The following PDK1 variants were observed in gnomAD, a reference collection of about 807,000 sequenced individuals.
The protein encoded by PDK1 is pyruvate dehydrogenase kinase 1.
PDK1 carries 39 observed loss-of-function variants against 54.2 expected under a neutral mutation model. The ratio of observed to expected loss-of-function variants is 0.72; its 90% CI spans 0.56 to 0.94. The LOEUF is 0.94. Ranked by LOEUF, PDK1 falls within the 40% of genes least tolerant of loss-of-function variation. The probability of loss-of-function intolerance (pLI) is 0.00; values close to 1 mark genes in which losing one functional copy is unlikely to be tolerated. For synonymous variants in PDK1, 221 were observed against 207.1 expected, an observed-to-expected ratio of 1.07 and a Z score of -0.58; for missense variants, 552 against 566.0, an observed-to-expected ratio of 0.98 and a Z score of 0.25.
rs957455997 is a variant in PDK1 at position 172,602,560 on chromosome 2, T to A, written c.*6591T>A. 1 of 152,102 alleles carries A rather than the reference T, an allele frequency of 6.6e-6. No homozygotes were observed. Among genetic ancestry groups the A allele is most frequent in the African/African-American group, 2.4e-5 (1 of 41,424 alleles). The allele number at this position is 152,102 out of a possible 1,614,324, so 9.4% of individuals were successfully genotyped here. A position where few individuals can be genotyped will look rare whatever the true frequency, so the allele number is the denominator to read the frequency against. On this transcript the variant is annotated 3_prime_UTR_variant, in exon 11 of 11. Transcript: ENST00000282077. ...GATCCATGGGCCTGCCATGGAAAAT[T>A]TGTTGAGTAATACGTCCAAGGCGTC... is the stretch of plus-strand genomic sequence containing the variant.
intron 8 of PDK1, among the ~76,000 whole-genome samples, chr2:172,573,235 T>G (rs1689379579): frequency 1.3e-5 from 2 of 152,200 alleles, no homozygotes; most frequent in Non-Finnish European, 2.9e-5. Context: ...CTGTTTTACC[T>G]CGTCCTTGTC....
the PDK1 span, among the ~76,000 whole-genome samples, chr2:172,624,725 G>T: frequency 6.6e-6 from 1 of 152,184 alleles, no homozygotes; most frequent in East Asian, 1.9e-4. Flanking sequence ...AGGGCCAGAC[G>T]TGGTGGCTCA....
the PDK1 span, among the ~76,000 whole-genome samples, chr2:172,646,735 C>CTTTTTTTTTTTTTTTTTTTTTTTTTTTT: frequency 2.1e-4 from 15 of 72,046 alleles, 2 homozygotes; most frequent in African/African-American, 5.7e-4. Flanking sequence ...CTTGCATTTC[C>CTTTTTTTTTTTTTTTTTTTTTTTTTTTT]TTTTTTTTTT....
chr2:172,571,369 T>C (rs929287839), intron 8 of PDK1, among the ~76,000 whole-genome samples: 6 of 152,192 alleles, frequency 3.9e-5, no homozygotes, highest in Non-Finnish European at 8.8e-5. Context: ...GCCCAGTTTC[T>C]TCTTTTACAT....
Position 172,562,300 on chromosome 2 carries a change from A to G in PDK1, c.410+9A>G. The G allele has an allele frequency of 6.5e-7, 1 of 1,540,128 alleles. No individual in the cohort carries two copies. The highest frequency in any genetic ancestry group is 1.1e-5 in the South Asian group (1 of 88,272). ...GCTAAAGCTATTTATGAGTAAGTTCACTATTTTGACCCTATTCTTAAACCT... is the reference window on the plus strand; with the variant it reads ...GCTAAAGCTATTTATGAGTAAGTTCGCTATTTTGACCCTATTCTTAAACCT... On this transcript the variant is annotated intron_variant, in intron 3 of 10. Coordinates refer to ENST00000282077, the MANE Select transcript of PDK1 (RefSeq NM_002610.5).
the PDK1 span, among the ~76,000 whole-genome samples, chr2:172,621,790 G>GTCATA: frequency 9.9e-6 from 1 of 101,446 alleles, no homozygotes; most frequent in African/African-American, 5.0e-5. Context: ...TATCTCATAT[G>GTCATA]TATGATATAT....
chr2:172,603,975 A>C lies in PDK1; in HGVS notation c.*8006A>C, dbSNP rs1691199551. On this transcript the variant is annotated 3_prime_UTR_variant, in exon 11 of 11. Coordinates refer to ENST00000282077, the MANE Select transcript of PDK1 (RefSeq NM_002610.5). ...CTGATGGGCAAGGATATTAACATCA[A>C]TATCTAAAAAAATTCTGAGATTTGG... 1 of 152,236 alleles carries C rather than the reference A, an allele frequency of 6.6e-6. No homozygotes were observed. The highest frequency in any genetic ancestry group is 2.4e-5 in the African/African-American group (1 of 41,456). 9.4% of individuals were successfully genotyped at this position (152,236 alleles called of 1,614,324 possible).
At chr2:172,574,048 A>C (rs542150304) in intron 8 of PDK1, among the ~76,000 whole-genome samples, 1 of 152,174 alleles carries the variant, frequency 6.6e-6, no homozygotes, top group South Asian at 2.1e-4. Flanking sequence ...TGTTTCTAAG[A>C]GTTTTATAGT....
intron 5 of PDK1, 148 bp downstream of exon 5, chr2:172,565,221 G>A: frequency 1.6e-6 from 1 of 608,600 alleles, no homozygotes; most frequent in Non-Finnish European, 2.9e-6. Context: ...TATTATTTGT[G>A]CATTATGTAT....
At chr2:172,632,807 C>T in the PDK1 span, among the ~76,000 whole-genome samples, 1 of 151,532 alleles carries the variant, frequency 6.6e-6, no homozygotes, top group African/African-American at 2.4e-5. Context: ...TGGTGAAAAC[C>T]CATGTCTTCT....
chr2:172,593,125 T>C, intron 10 of PDK1, 77 bp downstream of exon 10: 1 of 765,738 alleles, frequency 1.3e-6, no homozygotes, highest in Non-Finnish European at 2.2e-6. Flanking sequence ...TGTAATGAAA[T>C]TTAACTCTAC....
chr2:172,698,210 G>A, the PDK1 span, among the ~76,000 whole-genome samples: 1 of 152,236 alleles, frequency 6.6e-6, no homozygotes, highest in East Asian at 1.9e-4. Context: ...CCCCCACTTT[G>A]TTCTACCAAA....
At chr2:172,613,029 G>A (rs1691511319), downstream of PDK1, among the ~76,000 whole-genome samples, 1 of 152,224 alleles carries the variant, frequency 6.6e-6, no homozygotes, top group South Asian at 2.1e-4. Flanking sequence ...GGAAGCAGAT[G>A]CTGAGACAGG....
At chr2:172,645,328 T>A in the PDK1 span, among the ~76,000 whole-genome samples, 2 of 123,996 alleles carry the variant, frequency 1.6e-5, no homozygotes, top group Non-Finnish European at 3.2e-5. Flanking sequence ...TGGAGTGCAG[T>A]GGCACGATCT....
the PDK1 span, among the ~76,000 whole-genome samples, chr2:172,645,933 A>T: frequency 6.6e-6 from 1 of 152,242 alleles, no homozygotes; most frequent in African/African-American, 2.4e-5. Context: ...AAAACATTTC[A>T]CTGACTGGTT....
At chr2:172,684,737 A>T in the PDK1 span, among the ~76,000 whole-genome samples, 1 of 152,042 alleles carries the variant, frequency 6.6e-6, no homozygotes, top group Non-Finnish European at 1.5e-5. Flanking sequence ...GTTATTTTTA[A>T]CACCTTCCTC....
chr2:172,564,564 C>T lies in PDK1; in HGVS notation c.472C>T (p.Gln158Ter). 1.2e-6 allele frequency: 2 copies of T among 1,613,988 alleles called. No individual in the cohort carries two copies. The highest frequency in any genetic ancestry group is 1.1e-5 in the South Asian group (1 of 91,076). The change falls in exon 4 of 11, where the codon CAG becomes TAG. Residue 158 changes from glutamine to a stop codon, truncating the protein, a stop_gained. Coordinates refer to ENST00000282077, the MANE Select transcript of PDK1 (RefSeq NM_002610.5). LOFTEE classifies it high-confidence loss of function. ...RHNDVIPTMA[Q>*]GVIEYKESFG... ...CAATGATGTCATTCCCACAATGGCC[C>T]AGGGTGTGATTGAATACAAGGAGAG...
chr2:172,575,953 A>T (rs778569559), intron 8 of PDK1, among the ~76,000 whole-genome samples: 1 of 152,118 alleles, frequency 6.6e-6, no homozygotes, highest in Non-Finnish European at 1.5e-5. Context: ...TTTGAGACAG[A>T]GTCTTGCTCT....
the PDK1 span, chr2:172,674,571 T>G: frequency 1.3e-5 from 2 of 152,350 alleles, no homozygotes; most frequent in Non-Finnish European, 2.9e-5. Flanking sequence ...TGTGTCCGCC[T>G]CCTCCTCAGG....
Sources: allele counts gnomAD v4.1 joint callset (sites outside exome capture counted in the v4.1 genomes callset), GRCh38; gene constraint gnomAD v4.1.1; transcripts MANE v1.5; gene names NCBI Gene and HGNC (gene_info 2026-07-23, HGNC 2026-07-21).